Variants in NRXN2 observed in about 807,000 individuals in gnomAD.
NRXN2 encodes neurexin 2.
NRXN2 carries 29 observed loss-of-function variants against 128.8 expected under a neutral mutation model. The observed-to-expected ratio is 0.23, with a 90% CI of 0.17 to 0.31. The LOEUF (loss-of-function observed/expected upper bound fraction) is 0.31, where lower values mean the gene tolerates loss of function less well. Ranked by LOEUF, NRXN2 falls within the 10% of genes least tolerant of loss-of-function variation. The pLI, the probability that NRXN2 is intolerant of heterozygous loss-of-function variation, is 1.00. For synonymous variants in NRXN2, 1,098 were observed against 1,075.2 expected, an observed-to-expected ratio of 1.02 and a Z score of -0.41; for missense variants, 1,881 against 2,452.6, an observed-to-expected ratio of 0.77 and a Z score of 4.92.
At chr11:64,662,095 A>AC (rs1362867435) in intron 9 of NRXN2, among the ~76,000 whole-genome samples, 1 of 151,494 alleles carries the variant, frequency 6.6e-6, no homozygotes, top group Non-Finnish European at 1.5e-5. Flanking sequence ...TCTACTAAAA[A>AC]AAAAAAAAAA....
chr11:64,686,779 G>C (rs540422591), intron 5 of NRXN2, among the ~76,000 whole-genome samples: 97 of 152,318 alleles, frequency 6.4e-4, no homozygotes, highest in African/African-American at 2.2e-3. Flanking sequence ...CCTTGTGTGT[G>C]TGCATGTCTG....
At chr11:64,707,912 G>T (rs2056506286) in intron 2 of NRXN2, among the ~76,000 whole-genome samples, 1 of 152,070 alleles carries the variant, frequency 6.6e-6, no homozygotes, top group African/African-American at 2.4e-5. Flanking sequence ...TGACCAACAT[G>T]GAGAAACCCC....
At chr11:64,685,350 T>A (rs553664084) in intron 6 of NRXN2, among the ~76,000 whole-genome samples, 11 of 152,086 alleles carry the variant, frequency 7.2e-5, no homozygotes, top group Non-Finnish European at 1.2e-4. Context: ...CTTAGCCCCA[T>A]CCCTCGAGAG....
intron 17 of NRXN2, among the ~76,000 whole-genome samples, chr11:64,639,291 A>G (rs892296321): frequency 1.5e-4 from 23 of 152,242 alleles, no homozygotes; most frequent in Non-Finnish European, 3.1e-4. Flanking sequence ...GGATCCCAGA[A>G]CACAGCCTTT....
In NRXN2 at chr11:64,692,894, G is replaced by A. The variant is rs116049486; in HGVS notation, c.749-18C>T. On this transcript the variant is annotated intron_variant, in intron 3 of 22. Transcript: ENST00000265459. ...AGCCGGACCTTGGAAAGGGGAAGGA[G>A]AGAAAGAAAGAAAGAAAAAAAGAAG... The A allele has an allele frequency of 1.5e-3, 2,440 of 1,596,420 alleles. 39 individuals carry two copies. The African/African-American group carries it at 0.03, about 20-fold the overall frequency.
At position 64,622,953 on chromosome 11, in the gene NRXN2, C is replaced by A. The variant is rs751245096; in HGVS notation, c.3973G>T (p.Ala1325Ser). 5 of 1,613,258 alleles carry A rather than the reference C, an allele frequency of 3.1e-6. No individual in the cohort carries two copies. The highest frequency in any genetic ancestry group is 2.2e-5 in the East Asian group (1 of 44,858). Residue 1325 changes from alanine (A) to serine (S), a missense_variant, in exon 21 of 23, where the codon GCC becomes TCC. Around this residue, in one of 7 missense-constraint regions of NRXN2, gnomAD observed 108 missense variants for 165.2 expected, o/e 0.65. Coordinates refer to ENST00000265459, the MANE Select transcript of NRXN2 (RefSeq NM_015080.4). The surrounding 1 kb of genome is among the most constrained non-coding windows in gnomAD (Gnocchi z 4.3). ...GTCCGCACATTGGGGTCGCTCTCGGCGGCCAGCGCCAGCACCTTGAGCCCA... is the reference window on the plus strand; with the variant it reads ...GTCCGCACATTGGGGTCGCTCTCGGAGGCCAGCGCCAGCACCTTGAGCCCA... ...YNGLKVLALA[A>S]ESDPNVRTEG...
intron 17 of NRXN2, among the ~76,000 whole-genome samples, chr11:64,638,023 C>T (rs1399723887): frequency 6.6e-6 from 1 of 152,208 alleles, no homozygotes; most frequent in African/African-American, 2.4e-5. Flanking sequence ...CGTAGAGAGG[C>T]AGACCCCCGA....
Position 64,648,288 on chromosome 11 carries a change from A to C in NRXN2, c.3334T>G (p.Leu1112Val), listed in dbSNP as rs2046994134. The C allele has an allele frequency of 1.3e-5, 21 of 1,614,220 alleles. No individual in the cohort carries two copies. In the East Asian group the frequency reaches 4.7e-4, roughly 36 times the overall value. The change falls in exon 17 of 23, where the codon TTG (leucine) becomes GTG (valine). Residue 1112 changes from leucine to valine, a missense_variant. This residue lies in a region of NRXN2 where 390 missense variants were observed against 599.6 expected (regional missense o/e 0.65). Coordinates refer to ENST00000265459, the MANE Select transcript of NRXN2 (RefSeq NM_015080.4). The surrounding 1 kb of genome is among the most constrained non-coding windows in gnomAD (Gnocchi z 4.1). ...CAGGTGAAGCCATCCCACTGCTGCA[A>C]GCAGACGCCCTGGTTGGCACAGGAC... ...EESCANQGVC[L>V]QQWDGFTCDC...
chr11:64,692,743 G>T, intron 4 of NRXN2, 104 bp downstream of exon 4: 1 of 1,219,658 alleles, frequency 8.2e-7, no homozygotes, highest in Non-Finnish European at 1.2e-6. Context: ...CAGGACAGGT[G>T]GAGGAGGGGA....
rs760249921 is a variant in NRXN2 at position 64,653,697 on chromosome 11, G to A, written c.2415C>T (p.Pro805=). 1 of 1,596,894 alleles carries A rather than the reference G, an allele frequency of 6.3e-7. No individual in the cohort carries two copies. The highest frequency in any genetic ancestry group is 1.1e-5 in the South Asian group (1 of 87,436). ...NLDCLRVGCA[P]SKGPETLFAG... Reference sequence around the variant, plus strand: ...CAGAAGAAGAGGGAAGCCACTTACTGGGTGCGCAGCCGACGCGCAGGCAGT... The same window carrying A: ...CAGAAGAAGAGGGAAGCCACTTACTAGGTGCGCAGCCGACGCGCAGGCAGT... Residue 805 remains proline, a splice_region_variant and synonymous_variant, in exon 12 of 23, where the codon CCC becomes CCT. Coordinates refer to ENST00000265459, the MANE Select transcript of NRXN2 (RefSeq NM_015080.4).
chr11:64,609,530 AG>A (rs1292013872), intron 22 of NRXN2, among the ~76,000 whole-genome samples: 1 of 152,206 alleles, frequency 6.6e-6, no homozygotes, highest in Admixed American at 6.5e-5. Context: ...AATTCCCATC[AG>A]CCCCCAAAAG....
At chr11:64,698,495 GA>G (rs2054853763) in intron 2 of NRXN2, among the ~76,000 whole-genome samples, 1 of 152,190 alleles carries the variant, frequency 6.6e-6, no homozygotes, top group Non-Finnish European at 1.5e-5. Flanking sequence ...TGCAAAATGA[GA>G]GGGGTGGACT....
At chr11:64,706,297 T>C (rs1188618505) in intron 2 of NRXN2, among the ~76,000 whole-genome samples, 3 of 145,070 alleles carry the variant, frequency 2.1e-5, no homozygotes, top group African/African-American at 7.8e-5. Flanking sequence ...ACATTAGGTA[T>C]ATCTCCTAAT....
intron 17 of NRXN2, among the ~76,000 whole-genome samples, chr11:64,636,194 G>A (rs2044688973): frequency 6.6e-6 from 1 of 151,832 alleles, no homozygotes; most frequent in South Asian, 2.1e-4. Flanking sequence ...AGAGAGGGGT[G>A]TAAGTGAGAG....
chr11:64,669,044 A>C (rs1480059541), intron 7 of NRXN2, among the ~76,000 whole-genome samples: 1 of 152,176 alleles, frequency 6.6e-6, no homozygotes, highest in African/African-American at 2.4e-5. Flanking sequence ...AACTTCTTTC[A>C]AAAGTGTGCC....
chr11:64,607,369 C>A lies in NRXN2; in HGVS notation c.4966G>T (p.Ala1656Ser). 1 of 1,613,822 alleles carries A rather than the reference C, an allele frequency of 6.2e-7. No individual in the cohort carries two copies. Among genetic ancestry groups the A allele is most frequent in the Non-Finnish European group, 8.5e-7 (1 of 1,179,952 alleles). The change falls in exon 23 of 23, where the codon GCC (alanine) becomes TCC (serine). Residue 1656 changes from alanine to serine, a missense_variant. This residue lies in a region of NRXN2 where 63 missense variants were observed against 76.0 expected (regional missense o/e 0.83). Coordinates refer to ENST00000265459, the MANE Select transcript of NRXN2 (RefSeq NM_015080.4). ...AALCILILLY[A>S]MYKYRNRDEG... ...TCACGATTGCGGTACTTATACATGG[C>A]GTAGAGGAGGATGAGGATGCAGAGC...
chr11:64,628,040 A>G (rs1364985035), intron 19 of NRXN2, among the ~76,000 whole-genome samples: 1 of 152,182 alleles, frequency 6.6e-6, no homozygotes, highest in Non-Finnish European at 1.5e-5. Flanking sequence ...GTTTAAATTA[A>G]AAACAGATCA....
At chr11:64,618,145 C>G (rs749731427) in intron 22 of NRXN2, among the ~76,000 whole-genome samples, 2 of 152,236 alleles carry the variant, frequency 1.3e-5, no homozygotes, top group African/African-American at 2.4e-5. Flanking sequence ...TCCTCACCCT[C>G]TGCCCTAATG....
chr11:64,647,207 T>TTGTGTGTGTG (rs10535079), intron 17 of NRXN2, among the ~76,000 whole-genome samples: 14 of 146,552 alleles, frequency 9.6e-5, no homozygotes, highest in Admixed American at 6.1e-4. Flanking sequence ...AGACGCTTCG[T>TTGTGTGTGTG]TGTGTGTGTG....
Sources: gnomAD v4.1 joint callset for allele counts (sites outside exome capture counted in the v4.1 genomes callset) on GRCh38, gnomAD v4.1.1 for gene constraint, gnomAD v4.1.1 regional missense constraint, Gnocchi (gnomAD v3.1) non-coding constraint, MANE v1.5 for transcripts, NCBI Gene and HGNC (gene_info 2026-07-23, HGNC 2026-07-21) for gene names.